PTPRT: variants seen among roughly 807,000 people sequenced by gnomAD.
PTPRT encodes the protein receptor-type tyrosine-protein phosphatase T.
Under a neutral mutation model 176.8 loss-of-function variants are expected in PTPRT, and 56 were observed. That is an observed-to-expected ratio of 0.32 (90% CI 0.26 to 0.40). PTPRT has a LOEUF of 0.40. Ranked by LOEUF, PTPRT falls within the 10% of genes least tolerant of loss-of-function variation. The pLI is 1.00. For missense variants in PTPRT, 1,540 were observed against 1,908.2 expected, an observed-to-expected ratio of 0.81 and a Z score of 3.60; for synonymous variants, 783 against 739.0, an observed-to-expected ratio of 1.06 and a Z score of -0.96.
chr20:42,088,614 C>T (rs1984274765), intron 27 of PTPRT, among the ~76,000 whole-genome samples: 2 of 152,178 alleles, frequency 1.3e-5, no homozygotes, highest in African/African-American at 4.8e-5. Flanking sequence ...ACAAGCCAAC[C>T]CAGCCAGCTG....
At chr20:43,044,491 T>C (rs1986755465) in intron 1 of PTPRT, among the ~76,000 whole-genome samples, 1 of 152,098 alleles carries the variant, frequency 6.6e-6, no homozygotes, top group African/African-American at 2.4e-5. Context: ...AGAAACAAAC[T>C]TCATAACGTA....
chr20:42,096,783 A>G (rs145678467), intron 27 of PTPRT, among the ~76,000 whole-genome samples: 9,637 of 76,072 alleles, frequency 0.13, 437 homozygotes, highest in Non-Finnish European at 0.18. Flanking sequence ...TTTTTTTTGT[A>G]GAGACAGGGT....
intron 9 of PTPRT, among the ~76,000 whole-genome samples, chr20:42,444,211 G>A (rs1373198367): frequency 6.6e-6 from 1 of 152,098 alleles, no homozygotes; most frequent in Admixed American, 6.5e-5. Flanking sequence ...TTCCACCTCA[G>A]GGCCTTTGCA....
At chr20:43,118,630 G>A (rs1225225470) in intron 1 of PTPRT, among the ~76,000 whole-genome samples, 1 of 152,110 alleles carries the variant, frequency 6.6e-6, no homozygotes, top group Non-Finnish European at 1.5e-5. Context: ...AGTAGAGACG[G>A]GGTTTCACCG....
intron 7 of PTPRT, among the ~76,000 whole-genome samples, chr20:42,656,708 A>C (rs575025373): frequency 6.6e-6 from 1 of 152,228 alleles, no homozygotes; most frequent in Non-Finnish European, 1.5e-5. Flanking sequence ...AGTATCTTTC[A>C]GGATGCTGAT....
chr20:43,171,344 G>A (rs1568825389), intron 1 of PTPRT, among the ~76,000 whole-genome samples: 1 of 152,214 alleles, frequency 6.6e-6, no homozygotes, highest in Non-Finnish European at 1.5e-5. Context: ...CCGACTATGT[G>A]TAGGAATTGC....
intron 12 of PTPRT, among the ~76,000 whole-genome samples, chr20:42,300,626 A>T (rs565991163): frequency 5.8e-4 from 88 of 152,082 alleles, no homozygotes; most frequent in African/African-American, 2.0e-3. Flanking sequence ...AATTTTTATC[A>T]ATATAAATAA....
At chr20:42,528,571 G>A (rs1171296818) in intron 7 of PTPRT, among the ~76,000 whole-genome samples, 3 of 152,208 alleles carry the variant, frequency 2.0e-5, no homozygotes, top group African/African-American at 4.8e-5. Flanking sequence ...CTGATGCCCT[G>A]CCTGGAATAT....
chr20:42,530,779 GTA>G (rs2072368791), intron 7 of PTPRT, among the ~76,000 whole-genome samples: 1 of 152,210 alleles, frequency 6.6e-6, no homozygotes, highest in African/African-American at 2.4e-5. Flanking sequence ...CAGCTTTGCA[GTA>G]CTTGTGCATC....
At chr20:42,347,464 TATC>T (rs1421646866) in intron 11 of PTPRT, among the ~76,000 whole-genome samples, 1 of 152,154 alleles carries the variant, frequency 6.6e-6, no homozygotes, top group Non-Finnish European at 1.5e-5. Flanking sequence ...AGTGGTTTCA[TATC>T]ATCTTACAGT....
chr20:42,469,354 C>A (rs2071154729), intron 8 of PTPRT, among the ~76,000 whole-genome samples: 1 of 152,132 alleles, frequency 6.6e-6, no homozygotes, highest in Non-Finnish European at 1.5e-5. Context: ...CAGGCATGTG[C>A]CACCATGCCC....
chr20:42,600,018 C>G (rs1297991622), intron 7 of PTPRT, among the ~76,000 whole-genome samples: 1 of 152,154 alleles, frequency 6.6e-6, no homozygotes, highest in Non-Finnish European at 1.5e-5. Context: ...CAGATGTAAC[C>G]TAACTAGTTC....
intron 1 of PTPRT, among the ~76,000 whole-genome samples, chr20:43,120,402 G>A (rs1179806985): frequency 6.6e-6 from 1 of 152,014 alleles, no homozygotes; most frequent in African/African-American, 2.4e-5. Flanking sequence ...CTCCCGAGTA[G>A]CTGGGACTAC....
intron 26 of PTPRT, among the ~76,000 whole-genome samples, chr20:42,099,546 C>CGAGGGGGG (rs1262251876): frequency 3.5e-5 from 1 of 28,916 alleles, no homozygotes; most frequent in Non-Finnish European, 6.8e-5. Flanking sequence ...ATGGCCTGGG[C>CGAGGGGGG]GGGGGGGGGG....
intron 4 of PTPRT, among the ~76,000 whole-genome samples, chr20:42,774,709 C>T (rs1379841347): frequency 2.0e-5 from 3 of 152,206 alleles, no homozygotes; most frequent in Admixed American, 6.5e-5. Flanking sequence ...CCATGCGGTA[C>T]GCGGTGGGCA....
chr20:42,241,925 T>C (rs1162579108), intron 14 of PTPRT, among the ~76,000 whole-genome samples: 1 of 152,154 alleles, frequency 6.6e-6, no homozygotes, highest in East Asian at 1.9e-4. Context: ...TGTTTCAGAG[T>C]GTGGACTCCA....
chr20:42,098,291 C>A, intron 27 of PTPRT, 130 bp downstream of exon 27: 1 of 1,292,088 alleles, frequency 7.7e-7, no homozygotes, highest in Non-Finnish European at 1.1e-6. Context: ...ATGCTCGTGG[C>A]CAGACACTGC....
chr20:42,625,049 C>T (rs972484564), intron 7 of PTPRT, among the ~76,000 whole-genome samples: 1 of 152,178 alleles, frequency 6.6e-6, no homozygotes, highest in Non-Finnish European at 1.5e-5. Flanking sequence ...TGTTAAATGT[C>T]TTTCTTTCAA....
chr20:43,038,379 T>C (rs1256920207), intron 1 of PTPRT, among the ~76,000 whole-genome samples: 1 of 152,292 alleles, frequency 6.6e-6, no homozygotes, highest in Non-Finnish European at 1.5e-5. Flanking sequence ...GTCATACAAT[T>C]TGTAAAAATA....
Sources: allele counts gnomAD v4.1 joint callset (sites outside exome capture counted in the v4.1 genomes callset), GRCh38; gene constraint gnomAD v4.1.1; transcripts MANE v1.5; gene names NCBI Gene and HGNC (gene_info 2026-07-23, HGNC 2026-07-21).